Variants in CTNNA2 observed in about 807,000 individuals in gnomAD.
CTNNA2 encodes catenin alpha 2, also known as catenin alpha-2.
CTNNA2 carries 42 observed loss-of-function variants against 101.0 expected under a neutral mutation model. That is an observed-to-expected ratio of 0.42 (90% CI 0.32 to 0.54). The LOEUF is 0.54. Among genes scored for constraint, CTNNA2 ranks in the 20% least tolerant of loss-of-function variants. The pLI, the probability that CTNNA2 is intolerant of heterozygous loss-of-function variation, is 0.14. For missense variants in CTNNA2, 871 were observed against 1,223.1 expected, an observed-to-expected ratio of 0.71 and a Z score of 4.29; for synonymous variants, 450 against 456.4, an observed-to-expected ratio of 0.99 and a Z score of 0.18.
At chr2:80,259,465 G>T (rs1402523140) in intron 7 of CTNNA2, among the ~76,000 whole-genome samples, 1 of 152,186 alleles carries the variant, frequency 6.6e-6, no homozygotes, top group Non-Finnish European at 1.5e-5. Context: ...GAGCCCCTGA[G>T]CTGCCTCCAG....
chr2:80,184,948 A>C (rs966519425), intron 7 of CTNNA2, among the ~76,000 whole-genome samples: 2 of 152,204 alleles, frequency 1.3e-5, no homozygotes, highest in African/African-American at 4.8e-5. Context: ...TTCCCATAGC[A>C]TAGTTCTTCT....
chr2:79,421,005 A>G (rs549487104), intron 4 of CTNNA2, among the ~76,000 whole-genome samples: 1 of 152,304 alleles, frequency 6.6e-6, no homozygotes, highest in South Asian at 2.1e-4. Context: ...ATGGAAATTT[A>G]CATTAATTTA....
At chr2:79,409,581 C>G (rs373220832) in intron 4 of CTNNA2, among the ~76,000 whole-genome samples, 4 of 150,180 alleles carry the variant, frequency 2.7e-5, no homozygotes, top group Admixed American at 1.3e-4. Context: ...GCTTGTTTTT[C>G]TCAGGTTTGT....
chr2:80,643,879 A>G (rs62152019), intron 18 of CTNNA2, among the ~76,000 whole-genome samples: 8,187 of 152,260 alleles, frequency 0.054, 220 homozygotes, highest in Middle Eastern at 0.082. Context: ...GCCAGAGGCT[A>G]TAGTCAGCAA....
chr2:79,922,808 A>C (rs1298664108), intron 7 of CTNNA2, among the ~76,000 whole-genome samples: 1 of 152,128 alleles, frequency 6.6e-6, no homozygotes, highest in South Asian at 2.1e-4. Context: ...TTTAGATACA[A>C]CTAAAATTGG....
intron 2 of CTNNA2, among the ~76,000 whole-genome samples, chr2:79,699,199 A>C (rs1684832389): frequency 6.6e-6 from 1 of 152,148 alleles, no homozygotes; most frequent in African/African-American, 2.4e-5. Flanking sequence ...ATAATGAATA[A>C]AATTATAAAT....
At chr2:80,300,284 GTGTGTGTGTGTGTGTGT>G (rs1676154293) in intron 7 of CTNNA2, among the ~76,000 whole-genome samples, 2 of 12,090 alleles carry the variant, frequency 1.7e-4, no homozygotes, top group South Asian at 5.0e-3. Flanking sequence ...GTGTTGGGGT[GTGTGTGTGTGTGTGTGT>G]GTGTGTGTGT....
intron 2 of CTNNA2, among the ~76,000 whole-genome samples, chr2:79,272,467 T>C (rs1215121678): frequency 3.3e-5 from 5 of 152,118 alleles, no homozygotes; most frequent in Admixed American, 2.0e-4. Context: ...CTAGCTTAGA[T>C]TGTCTTCTTA....
intron 1 of CTNNA2, among the ~76,000 whole-genome samples, chr2:79,567,338 T>G (rs957796096): frequency 1.3e-5 from 2 of 152,114 alleles, no homozygotes; most frequent in African/African-American, 4.8e-5. Flanking sequence ...AATCTTAAAC[T>G]GGCACTTTTA....
intron 7 of CTNNA2, among the ~76,000 whole-genome samples, chr2:80,129,367 G>A (rs987458619): frequency 2.6e-5 from 4 of 152,158 alleles, no homozygotes; most frequent in Non-Finnish European, 4.4e-5. Context: ...AAGGAGTAGC[G>A]AGTTAAAGCT....
In CTNNA2 at chr2:80,574,394, T is replaced by C. The variant is rs577067465; in HGVS notation, c.1893+80T>C. 5 of 1,419,270 alleles carry C rather than the reference T, an allele frequency of 3.5e-6. No homozygotes were observed. In the East Asian group the frequency reaches 1.2e-4, roughly 34 times the overall value. The allele number at this position is 1,419,270 out of a possible 1,614,324, so 87.9% of individuals were successfully genotyped here. On this transcript the variant is annotated intron_variant, in intron 13 of 18. Coordinates refer to ENST00000402739, the MANE Select transcript of CTNNA2 (RefSeq NM_001282597.3). Reference sequence around the variant, plus strand: ...AGAGCTAACTGTCTTATTTATTATTTATTTTGTAATTACTGAGTTTAACTT... The same window carrying C: ...AGAGCTAACTGTCTTATTTATTATTCATTTTGTAATTACTGAGTTTAACTT...
intron 8 of CTNNA2, 89 bp downstream of exon 8, chr2:80,393,380 C>A (rs961357520): frequency 1.1e-6 from 1 of 906,392 alleles, no homozygotes; most frequent in Non-Finnish European, 1.7e-6. Flanking sequence ...TTGGAGATGA[C>A]AATGAGGTTG....
At chr2:79,856,722 C>T (rs945563406) in intron 3 of CTNNA2, among the ~76,000 whole-genome samples, 4 of 152,074 alleles carry the variant, frequency 2.6e-5, no homozygotes, top group Middle Eastern at 3.2e-3. Flanking sequence ...ACTCTTGTAT[C>T]GTGTCAGCCC....
intron 3 of CTNNA2, among the ~76,000 whole-genome samples, chr2:79,796,114 T>A (rs1558936296): frequency 6.6e-6 from 1 of 152,202 alleles, no homozygotes; most frequent in Admixed American, 6.5e-5. Context: ...ATATTTTGTA[T>A]GTTTTTGATA....
intron 1 of CTNNA2, among the ~76,000 whole-genome samples, chr2:79,556,796 T>C (rs1404677796): frequency 3.3e-5 from 5 of 152,020 alleles, no homozygotes; most frequent in Non-Finnish European, 4.4e-5. Flanking sequence ...AATTTGGAGC[T>C]GGTAAAGCAG....
intron 9 of CTNNA2, among the ~76,000 whole-genome samples, chr2:80,455,868 C>A (rs1683934828): frequency 6.6e-6 from 1 of 152,018 alleles, no homozygotes; most frequent in Non-Finnish European, 1.5e-5. Flanking sequence ...GTGCACTGAT[C>A]CATTTAATCT....
intron 7 of CTNNA2, among the ~76,000 whole-genome samples, chr2:80,345,141 T>A (rs1003726923): frequency 1.3e-5 from 2 of 152,212 alleles, no homozygotes; most frequent in African/African-American, 4.8e-5. Flanking sequence ...ATCATTTCTC[T>A]TCTCAAAACC....
At chr2:79,560,794 G>T (rs1674729238) in intron 1 of CTNNA2, among the ~76,000 whole-genome samples, 1 of 151,870 alleles carries the variant, frequency 6.6e-6, no homozygotes, top group South Asian at 2.1e-4. Context: ...CGAAGAAAAT[G>T]TTCACCATCA....
chr2:80,647,738 G>C lies in CTNNA2; in HGVS notation c.2728G>C (p.Ala910Pro), dbSNP rs1450381092. 1 of 1,613,370 alleles carries C rather than the reference G, an allele frequency of 6.2e-7. No individual in the cohort carries two copies. Among genetic ancestry groups the C allele is most frequent in the Non-Finnish European group, 8.5e-7 (1 of 1,179,598 alleles). The change falls in exon 19 of 19, where the codon GCT becomes CCT. Residue 910 changes from alanine to proline, a missense_variant. This residue lies in a region of CTNNA2 where 25 missense variants were observed against 69.5 expected (regional missense o/e 0.36). Coordinates refer to ENST00000402739, the MANE Select transcript of CTNNA2 (RefSeq NM_001282597.3). ...ACCTGTTGTGTCTTGGAAGATGAAGGCTCCAGAGAAGAAGCCCCTTGTGAA... is the reference window on the plus strand; with the variant it reads ...ACCTGTTGTGTCTTGGAAGATGAAGCCTCCAGAGAAGAAGCCCCTTGTGAA... Reference protein sequence around the residue: ...NSPVVSWKMKAPEKKPLVKRE... With the variant: ...NSPVVSWKMKPPEKKPLVKRE...
Sources: gnomAD v4.1 joint callset for allele counts (sites outside exome capture counted in the v4.1 genomes callset) on GRCh38, gnomAD v4.1.1 for gene constraint, gnomAD v4.1.1 regional missense constraint, MANE v1.5 for transcripts, NCBI Gene and HGNC (gene_info 2026-07-23, HGNC 2026-07-21) for gene names.